Variants in PRR12 observed in about 807,000 individuals in gnomAD.
PRR12 encodes the protein proline-rich protein 12.
Under a neutral mutation model 138.0 loss-of-function variants are expected in PRR12, and 12 were observed. That is an observed-to-expected ratio of 0.09 (90% confidence interval 0.06 to 0.14). The LOEUF (loss-of-function observed/expected upper bound fraction) is 0.14. Ranked by LOEUF, PRR12 falls within the 10% of genes least tolerant of loss-of-function variation. PRR12 has a pLI of 1.00. For missense variants in PRR12, 2,692 were observed against 2,861.3 expected, an observed-to-expected ratio of 0.94 and a Z score of 1.35; for synonymous variants, 1,567 against 1,291.7, an observed-to-expected ratio of 1.21 and a Z score of -4.57.
rs149328182 is a variant in PRR12 at position 49,616,915 on chromosome 19, G to A, written c.5497+696G>A. On this transcript the variant is annotated intron_variant, in intron 9 of 13. Coordinates refer to ENST00000418929, the MANE Select transcript of PRR12 (RefSeq NM_020719.3). The surrounding 1 kb of genome is among the most constrained non-coding windows in gnomAD (Gnocchi z 4.2). ...AGGCCAAGGTGGGCGGATCAGCTGA[G>A]GTCAGGAGTTCAAGACCAGCCTGAC... 6.6e-6 allele frequency among the ~76,000 whole-genome samples: 1 copy of A among 152,236 alleles called. No homozygotes were observed. The highest frequency in any genetic ancestry group is 1.9e-4 in the East Asian group (1 of 5,176).
chr19:49,600,697 C>CT (rs201540759), intron 5 of PRR12, among the ~76,000 whole-genome samples: 188 of 144,890 alleles, frequency 1.3e-3, no homozygotes, highest in Middle Eastern at 3.7e-3. Context: ...CTATAACGTT[C>CT]TTTTTTTTTT....
At chr19:49,598,958 T>G (rs2080793829) in intron 4 of PRR12, among the ~76,000 whole-genome samples, 1 of 152,120 alleles carries the variant, frequency 6.6e-6, no homozygotes, top group Non-Finnish European at 1.5e-5. Context: ...CCTCACCCGG[T>G]CTGCTTGCTT....
chr19:49,594,911 G>A lies in PRR12; in HGVS notation c.576G>A (p.Lys192=), dbSNP rs374234476. 4.0e-5 allele frequency: 64 copies of A among 1,608,342 alleles called. No homozygotes were observed. The highest frequency in any genetic ancestry group is 5.3e-5 in the Non-Finnish European group (62 of 1,177,932). Residue 192 remains lysine (K), a synonymous_variant, in exon 4 of 14, where the codon AAG becomes AAA. Coordinates refer to ENST00000418929, the MANE Select transcript of PRR12 (RefSeq NM_020719.3). The surrounding 1 kb of genome is among the most constrained non-coding windows in gnomAD (Gnocchi z 5.6). The stretch of plus-strand genomic sequence containing the variant: ...CCCCTCATGACGTGCTGCACCTGAA[G>A]CCCTCGCAGGCACCCACGGTGCCCT... ...LLSPHDVLHL[K]PSQAPTVPSS...
At position 49,599,908 on chromosome 19, in the gene PRR12, C is replaced by G. The variant is rs764563187; in HGVS notation, c.4315C>G (p.Leu1439Val). ...AVPGPPPLPG[L>V]PSANSNGTPE... ...TCCAGGGCCACCCCCTCTTCCGGGGCTCCCCAGTGCCAACAGCAATGGCAC... is the reference window on the plus strand; with the variant it reads ...TCCAGGGCCACCCCCTCTTCCGGGGGTCCCCAGTGCCAACAGCAATGGCAC... Residue 1439 changes from leucine (L) to valine (V), a missense_variant, in exon 5 of 14, where the codon CTC becomes GTC. By Grantham distance (32) the Leu-to-Val change is conservative. Coordinates refer to ENST00000418929, the MANE Select transcript of PRR12 (RefSeq NM_020719.3). This position sits in a 1 kb window ranked among gnomAD's most constrained non-coding sequence, Gnocchi z 5.0. 5.6e-6 allele frequency: 9 copies of G among 1,607,872 alleles called. No homozygotes were observed. In the South Asian group the frequency reaches 9.9e-5, roughly 18 times the overall value.
At chr19:49,622,467 C>A (rs996335714) in intron 11 of PRR12, among the ~76,000 whole-genome samples, 1 of 151,738 alleles carries the variant, frequency 6.6e-6, no homozygotes, top group Non-Finnish European at 1.5e-5. Context: ...TGGTGGGCAC[C>A]TGTAGTCTTA....
At position 49,621,508 on chromosome 19, in the gene PRR12, A is replaced by T. The variant is rs1211984604; in HGVS notation, c.5624-17A>T. On this transcript the variant is annotated splice_polypyrimidine_tract_variant and intron_variant, in intron 10 of 13. Coordinates refer to ENST00000418929, the MANE Select transcript of PRR12 (RefSeq NM_020719.3). ...GTGAGGCTGTGGCCTTCCTGATACC[A>T]TGTCCTCGTCCATCAGACGAGCTGT... The T allele has an allele frequency of 6.3e-7, 1 of 1,583,148 alleles. No homozygotes were observed. Among genetic ancestry groups the T allele is most frequent in the South Asian group, 1.2e-5 (1 of 86,942 alleles).
chr19:49,616,239 C>A lies in PRR12; in HGVS notation c.5497+20C>A. 6.7e-7 allele frequency: 1 copy of A among 1,492,658 alleles called. No homozygotes were observed. The highest frequency in any genetic ancestry group is 2.4e-5 in the East Asian group (1 of 41,094). The allele number at this position is 1,492,658 out of a possible 1,614,324, so 92.5% of individuals were successfully genotyped here. On this transcript the variant is annotated intron_variant, in intron 9 of 13. Transcript: ENST00000418929. The surrounding 1 kb of genome is among the most constrained non-coding windows in gnomAD (Gnocchi z 4.2). ...AGGACGGTGAGGCCCTAGGCAGCCT[C>A]AGGGCTGCAGGGGTGGGTGGGGAAG...
In PRR12 at chr19:49,626,199, C is replaced by T. The variant is rs2080955013; in HGVS notation, c.*592C>T. On this transcript the variant is annotated 3_prime_UTR_variant, in exon 14 of 14. Transcript: ENST00000418929. ...GTCCCCTCTCTCTGCCCCTCCCACT[C>T]CTTTTCTACGGCGATTTGTCTGTGT... The T allele has an allele frequency of 6.6e-6, 1 of 152,196 alleles. No individual in the cohort carries two copies. The highest frequency in any genetic ancestry group is 2.4e-5 in the African/African-American group (1 of 41,418). 9.4% of individuals were successfully genotyped at this position (152,196 alleles called of 1,614,324 possible). A position where few individuals can be genotyped will look rare whatever the true frequency, so the allele number is the denominator to read the frequency against.
chr19:49,620,768 A>G (rs372311406), intron 10 of PRR12, among the ~76,000 whole-genome samples: 850 of 30,076 alleles, frequency 0.028, no homozygotes, highest in East Asian at 0.066. Flanking sequence ...TGAGGGAGGA[A>G]GGGCTGGGGG....
chr19:49,606,474 G>T (rs182629266), intron 6 of PRR12, among the ~76,000 whole-genome samples: 93 of 151,434 alleles, frequency 6.1e-4, no homozygotes, highest in African/African-American at 2.2e-3. Flanking sequence ...ACCACGTCAG[G>T]CTAATTTTTG....
rs770334014 is a variant in PRR12, at chr19:49,596,486, A to C, written c.2151A>C (p.Ala717=). The stretch of plus-strand genomic sequence containing the variant: ...GCCTGGATGAGGGTGCCACTGCGGC[A>C]CTGGAGCTGGGCCTGGGGAGGCTGA... ...SASLDEGATA[A]LELGLGRLKE... Residue 717 remains alanine, a synonymous_variant, in exon 4 of 14, where the codon GCA becomes GCC. Transcript: ENST00000418929. This position sits in a 1 kb window ranked among gnomAD's most constrained non-coding sequence, Gnocchi z 5.6. 7.6e-5 allele frequency: 122 copies of C among 1,610,680 alleles called. No individual in the cohort carries two copies. The highest frequency in any genetic ancestry group is 1.0e-4 in the Non-Finnish European group (118 of 1,179,220).
rs777994981 is a variant in PRR12, at chr19:49,601,828, G to A, written c.4683G>A (p.Thr1561=). Residue 1561 remains threonine, a synonymous_variant, in exon 6 of 14, where the codon ACG becomes ACA. Transcript: ENST00000418929. ...AGACGGCGGCAGTGTGTGGGGAGAC[G>A]GACGAGGAGGCCGGCGAGAGTGGCG... The part of the protein sequence containing the change: ...KQETAAVCGE[T]DEEAGESGGE... The A allele has an allele frequency of 7.4e-6, 12 of 1,612,622 alleles. No individual in the cohort carries two copies. Among genetic ancestry groups the A allele is most frequent in the South Asian group, 6.6e-5 (6 of 91,014 alleles).
At position 49,601,684 on chromosome 19, in the gene PRR12, ACCACCACCC is replaced by A. The variant is rs775008495; in HGVS notation, c.4546_4554del (p.Pro1516_Pro1518del). ...CTCCACCAGCCATGCCCTCGCCTCC[ACCACCACCC>A]CCACCAGCCGCTGCCCCACTGGCTG... On this transcript the variant is annotated inframe_deletion, in exon 6 of 14. Coordinates refer to ENST00000418929, the MANE Select transcript of PRR12 (RefSeq NM_020719.3). 6.8e-5 allele frequency: 105 copies of A among 1,536,010 alleles called. No homozygotes were observed. In the East Asian group the frequency reaches 1.6e-3, roughly 23 times the overall value.
At chr19:49,592,758 AC>A (rs1458111397) in intron 1 of PRR12, among the ~76,000 whole-genome samples, 1 of 152,018 alleles carries the variant, frequency 6.6e-6, no homozygotes, top group East Asian at 1.9e-4. Flanking sequence ...TCTTGTTCAC[AC>A]TTGTACCTGG....
rs1301425669 is a variant in PRR12, at chr19:49,591,383, T to G, written c.-272T>G. On this transcript the variant is annotated 5_prime_UTR_variant, in exon 1 of 14. Coordinates refer to ENST00000418929, the MANE Select transcript of PRR12 (RefSeq NM_020719.3). ...AAGGCGGAGACAGCGGGGTCCCTCC[T>G]CCCCCCTTCCCTCCTCTAGGGGGAA... 7.3e-6 allele frequency among the ~76,000 whole-genome samples: 1 copy of G among 136,084 alleles called. No individual in the cohort carries two copies. The highest frequency in any genetic ancestry group is 2.8e-5 in the African/African-American group (1 of 35,452). The allele number at this position is 136,084 out of a possible 152,430, so 89.3% of individuals were successfully genotyped here. A position where few individuals can be genotyped will look rare whatever the true frequency, so the allele number is the denominator to read the frequency against.
rs893792435 is a variant in PRR12, at chr19:49,599,230, C to T, written c.3679-42C>T. ...GCTGAGGGAGGATGGGACTGGGGGC[C>T]CAGGCTACTGGGCCCTCACGGCCCG... On this transcript the variant is annotated intron_variant, in intron 4 of 13. Coordinates refer to ENST00000418929, the MANE Select transcript of PRR12 (RefSeq NM_020719.3). This position sits in a 1 kb window ranked among gnomAD's most constrained non-coding sequence, Gnocchi z 5.0. 16 of 1,504,002 alleles carry T rather than the reference C, an allele frequency of 1.1e-5. No homozygotes were observed. The highest frequency in any genetic ancestry group is 1.1e-5 in the Non-Finnish European group (13 of 1,131,374). 93.2% of individuals were successfully genotyped at this position (1,504,002 alleles called of 1,614,324 possible).
At chr19:49,613,799 C>T (rs1214865173) in intron 6 of PRR12, among the ~76,000 whole-genome samples, 1 of 152,126 alleles carries the variant, frequency 6.6e-6, no homozygotes, top group African/African-American at 2.4e-5. Flanking sequence ...ATACCATAGA[C>T]TGGGTGGCTT....
intron 6 of PRR12, among the ~76,000 whole-genome samples, chr19:49,606,169 T>A (rs1238303531): frequency 6.6e-6 from 1 of 151,878 alleles, no homozygotes; most frequent in Non-Finnish European, 1.5e-5. Flanking sequence ...CCTGGCAAAT[T>A]TTTTTATTCC....
chr19:49,601,782 T>C lies in PRR12; in HGVS notation c.4637T>C (p.Leu1546Pro), dbSNP rs774961400. The part of the protein sequence containing the change: ...EDPELPDTRP[L>P]HLAKKQETAA... The stretch of plus-strand genomic sequence containing the variant: ...CCCGAGCTGCCGGACACCCGGCCCC[T>C]GCATCTGGCCAAAAAGCAGGAGACG... The change falls in exon 6 of 14, where the codon CTG becomes CCG. Residue 1546 changes from leucine (L) to proline (P), a missense_variant. Around this residue, in one of 11 missense-constraint regions of PRR12, gnomAD observed 92 missense variants for 174.1 expected, o/e 0.53. Coordinates refer to ENST00000418929, the MANE Select transcript of PRR12 (RefSeq NM_020719.3). The C allele has an allele frequency of 1.2e-6, 2 of 1,607,272 alleles. No homozygotes were observed. Among genetic ancestry groups the C allele is most frequent in the Admixed American group, 1.7e-5 (1 of 59,312 alleles).
Sources: gnomAD v4.1 joint callset for allele counts (sites outside exome capture counted in the v4.1 genomes callset) on GRCh38, gnomAD v4.1.1 for gene constraint, gnomAD v4.1.1 regional missense constraint, Gnocchi (gnomAD v3.1) non-coding constraint, MANE v1.5 for transcripts, NCBI Gene and HGNC (gene_info 2026-07-23, HGNC 2026-07-21) for gene names.